XYLT1: variants seen among roughly 807,000 people sequenced by gnomAD.
XYLT1 encodes the protein beta-D-xylosyltransferase 1.
In XYLT1, 36 loss-of-function variants were observed where a neutral mutation model predicts 91.3. The observed-to-expected ratio is 0.39, with a 90% CI of 0.30 to 0.52. The LOEUF (loss-of-function observed/expected upper bound fraction) is 0.52. Among genes scored for constraint, XYLT1 ranks in the 20% least tolerant of loss-of-function variants. XYLT1 has a pLI of 0.68. For synonymous variants in XYLT1, 588 were observed against 532.0 expected (o/e 1.11, Z -1.45); for missense variants, 1,242 against 1,284.5 (o/e 0.97, Z 0.51).
chr16:17,255,498 C>T (rs1179512964), intron 3 of XYLT1, among the ~76,000 whole-genome samples: 3 of 152,134 alleles, frequency 2.0e-5, no homozygotes, highest in African/African-American at 4.8e-5. Flanking sequence ...CTCAATATTT[C>T]GTTCATGGAA....
At chr16:17,268,505 C>T (rs2033838365) in intron 2 of XYLT1, among the ~76,000 whole-genome samples, 1 of 151,554 alleles carries the variant, frequency 6.6e-6, no homozygotes, top group African/African-American at 2.4e-5. Context: ...TGACATAATA[C>T]ATAAGTACAA....
chr16:17,138,328 G>A, intron 8 of XYLT1, 27 bp downstream of exon 8: 1 of 1,603,562 alleles, frequency 6.2e-7, no homozygotes, highest in Non-Finnish European at 8.5e-7. Context: ...TCACTTAGGA[G>A]GCTGGCAGAC....
Position 17,312,449 on chromosome 16 carries a change from C to T in XYLT1, c.402+45563G>A, listed in dbSNP as rs56328486. On this transcript the variant is annotated intron_variant, in intron 2 of 11. Coordinates refer to ENST00000261381, the MANE Select transcript of XYLT1 (RefSeq NM_022166.4). The surrounding 1 kb of genome is among the most constrained non-coding windows in gnomAD (Gnocchi z 4.4). The stretch of plus-strand genomic sequence containing the variant: ...TGTCTCAGGGCCTTACCCGCATTAA[C>T]ATGTTTTTCTTTCTAACTTAAAAAA... Among the ~76,000 whole-genome samples the T allele has an allele frequency of 0.095, 14,490 of 152,214 alleles. 873 individuals carry two copies. The highest frequency in any genetic ancestry group is 0.18 in the Middle Eastern group (53 of 294).
intron 2 of XYLT1, among the ~76,000 whole-genome samples, chr16:17,293,491 CTTTTTT>C (rs548581536): frequency 8.4e-6 from 1 of 119,100 alleles, no homozygotes; most frequent in East Asian, 2.2e-4. Flanking sequence ...TTTCTCCCTC[CTTTTTT>C]TTTTTTTTTT....
At chr16:17,432,986 T>C (rs1263606538) in intron 1 of XYLT1, among the ~76,000 whole-genome samples, 1 of 152,128 alleles carries the variant, frequency 6.6e-6, no homozygotes, top group Non-Finnish European at 1.5e-5. Flanking sequence ...CCCTCGAAGA[T>C]GCCTCCAAAC....
chr16:17,201,850 C>T (rs935219876), intron 3 of XYLT1, among the ~76,000 whole-genome samples: 1 of 151,960 alleles, frequency 6.6e-6, no homozygotes, highest in Admixed American at 6.6e-5. Flanking sequence ...AGAGAGGTTG[C>T]CTGAGAAGAA....
chr16:17,237,767 C>T (rs985449674), intron 3 of XYLT1, among the ~76,000 whole-genome samples: 3 of 152,186 alleles, frequency 2.0e-5, no homozygotes, highest in Non-Finnish European at 2.9e-5. Context: ...TGCAGGGGTT[C>T]CTCTCGGGTC....
In XYLT1 at chr16:17,103,958, A is replaced by AAG. The variant is rs1210600868; in HGVS notation, c.*4735_*4736dup. On this transcript the variant is annotated 3_prime_UTR_variant, in exon 12 of 12. Transcript: ENST00000261381. ...AAAACTTCTAAGAGAGCCAGAGAGG[A>AAG]AGAGAGAGAGGAGAGAGAGAATTTG... 1 of 153,108 alleles carries AAG rather than the reference A, an allele frequency of 6.5e-6. No individual in the cohort carries two copies. The highest frequency in any genetic ancestry group is 1.5e-5 in the Non-Finnish European group (1 of 68,494). The allele number at this position is 153,108 out of a possible 1,614,324, so 9.5% of individuals were successfully genotyped here. A position where few individuals can be genotyped will look rare whatever the true frequency, so the allele number is the denominator to read the frequency against.
intron 5 of XYLT1, among the ~76,000 whole-genome samples, chr16:17,169,315 CA>C (rs2031770662): frequency 6.6e-6 from 1 of 152,210 alleles, no homozygotes; most frequent in African/African-American, 2.4e-5. Flanking sequence ...CTGGTTGTTA[CA>C]ACCCAATCAG....
chr16:17,125,858 T>C (rs2030242791), intron 10 of XYLT1, among the ~76,000 whole-genome samples: 1 of 152,184 alleles, frequency 6.6e-6, no homozygotes, highest in Admixed American at 6.5e-5. Flanking sequence ...CCTGGCACAC[T>C]GTAGGCACTT....
At chr16:17,291,364 G>C (rs950876194) in intron 2 of XYLT1, among the ~76,000 whole-genome samples, 1 of 152,210 alleles carries the variant, frequency 6.6e-6, no homozygotes, top group African/African-American at 2.4e-5. Flanking sequence ...TGTGGGACCT[G>C]TGAGGTTGGC....
intron 3 of XYLT1, among the ~76,000 whole-genome samples, chr16:17,204,662 A>G (rs1389846035): frequency 1.3e-5 from 2 of 152,146 alleles, no homozygotes; most frequent in Non-Finnish European, 1.5e-5. Context: ...TTCTATCAAA[A>G]CTGCTATGAA....
rs191217763 is a variant in XYLT1, at chr16:17,297,712, G to A, written c.403-38214C>T. ...TGCTCCAACCTAGGCCACAGAGTGAGACCTTGTCTCTATAAAACAAAACAA... is the reference window on the plus strand; with the variant it reads ...TGCTCCAACCTAGGCCACAGAGTGAAACCTTGTCTCTATAAAACAAAACAA... On this transcript the variant is annotated intron_variant, in intron 2 of 11. Coordinates refer to ENST00000261381, the MANE Select transcript of XYLT1 (RefSeq NM_022166.4). Among the ~76,000 whole-genome samples, 359 of 152,128 alleles carry A rather than the reference G, an allele frequency of 2.4e-3. 3 individuals are homozygous for A. The highest frequency in any genetic ancestry group is 6.6e-3 in the African/African-American group (275 of 41,508).
intron 10 of XYLT1, among the ~76,000 whole-genome samples, chr16:17,127,250 A>G (rs1356696828): frequency 6.6e-6 from 1 of 152,236 alleles, no homozygotes; most frequent in African/African-American, 2.4e-5. Flanking sequence ...AGACAAAACC[A>G]CAACTAAGCA....
At chr16:17,371,310 T>C (rs560278106) in intron 1 of XYLT1, among the ~76,000 whole-genome samples, 4 of 152,240 alleles carry the variant, frequency 2.6e-5, no homozygotes, top group Non-Finnish European at 4.4e-5. Context: ...GACTGCCACA[T>C]AGAAAGCACT....
intron 3 of XYLT1, among the ~76,000 whole-genome samples, chr16:17,251,936 G>A (rs1417624055): frequency 6.6e-6 from 1 of 151,978 alleles, no homozygotes; most frequent in African/African-American, 2.4e-5. Context: ...GTGGGGACAG[G>A]GAGGGGGCTG....
chr16:17,295,808 C>A (rs1209888331), intron 2 of XYLT1, among the ~76,000 whole-genome samples: 1 of 152,164 alleles, frequency 6.6e-6, no homozygotes, highest in Non-Finnish European at 1.5e-5. Flanking sequence ...CTGTAATGCA[C>A]AGGACGACCC....
intron 2 of XYLT1, among the ~76,000 whole-genome samples, chr16:17,318,148 A>G (rs779560849): frequency 6.6e-6 from 1 of 152,236 alleles, no homozygotes; most frequent in African/African-American, 2.4e-5. Flanking sequence ...GATTCCCAGT[A>G]TATCTAATGC....
intron 2 of XYLT1, among the ~76,000 whole-genome samples, chr16:17,267,739 T>C (rs978990746): frequency 3.3e-5 from 5 of 152,178 alleles, no homozygotes; most frequent in African/African-American, 1.2e-4. Context: ...AGGCAGAGTG[T>C]TGAGGCACAG....
Sources: gnomAD v4.1 joint callset for allele counts (sites outside exome capture counted in the v4.1 genomes callset) on GRCh38, gnomAD v4.1.1 for gene constraint, Gnocchi (gnomAD v3.1) non-coding constraint, MANE v1.5 for transcripts, NCBI Gene and HGNC (gene_info 2026-07-23, HGNC 2026-07-21) for gene names.